Variants in TP63 observed in about 807,000 individuals in gnomAD.
The protein encoded by TP63 is tumor protein 63.
TP63 carries 17 observed loss-of-function variants against 82.8 expected under a neutral mutation model. The observed-to-expected ratio is 0.21, with a 90% confidence interval of 0.14 to 0.31. The LOEUF is 0.31. Ranked by LOEUF, TP63 falls within the 10% of genes least tolerant of loss-of-function variation. The probability of loss-of-function intolerance (pLI) is 1.00; values close to 1 mark genes in which losing one functional copy is unlikely to be tolerated. For synonymous variants in TP63, 330 were observed against 321.7 expected (o/e 1.03, Z -0.28); for missense variants, 648 against 895.3 (o/e 0.72, Z 3.52).
intron 1 of TP63, among the ~76,000 whole-genome samples, chr3:189,681,005 C>A (rs2108691578): frequency 6.6e-6 from 1 of 152,272 alleles, no homozygotes; most frequent in Admixed American, 6.5e-5. Context: ...GCTTCCTTCA[C>A]TTTTATCTCA....
chr3:189,767,998 A>G (rs189116981), intron 3 of TP63, among the ~76,000 whole-genome samples: 34 of 152,284 alleles, frequency 2.2e-4, no homozygotes, highest in Admixed American at 2.1e-3. Context: ...GAAATCACAT[A>G]CAATATGTCA....
chr3:189,888,581 A>G (rs1468458484), intron 11 of TP63, among the ~76,000 whole-genome samples: 3 of 152,250 alleles, frequency 2.0e-5, no homozygotes, highest in Admixed American at 2.0e-4. Flanking sequence ...TAAAGTAGAA[A>G]CAAATTACAT....
chr3:189,625,505 T>C, the TP63 span, among the ~76,000 whole-genome samples: 1 of 152,032 alleles, frequency 6.6e-6, no homozygotes, highest in African/African-American at 2.4e-5. Flanking sequence ...TTTTCCTTGG[T>C]GTAAAGGACA....
At chr3:189,878,528 A>G (rs1214892022) in intron 10 of TP63, among the ~76,000 whole-genome samples, 1 of 149,808 alleles carries the variant, frequency 6.7e-6, no homozygotes, top group Non-Finnish European at 1.5e-5. Context: ...AGCTGGGATT[A>G]CAGATGCCTG....
intron 1 of TP63, among the ~76,000 whole-genome samples, chr3:189,679,199 G>A (rs889409877): frequency 8.6e-5 from 13 of 151,974 alleles, no homozygotes; most frequent in African/African-American, 2.7e-4. Context: ...TTAATTTTCC[G>A]AGAAACTTTT....
intron 1 of TP63, among the ~76,000 whole-genome samples, chr3:189,703,163 G>T (rs989227120): frequency 7.9e-5 from 12 of 152,198 alleles, no homozygotes; most frequent in Non-Finnish European, 2.9e-5. Flanking sequence ...GCCGGGCACG[G>T]TGTCTCACGC....
intron 1 of TP63, among the ~76,000 whole-genome samples, chr3:189,719,358 A>T (rs989854280): frequency 2.0e-5 from 3 of 152,180 alleles, no homozygotes; most frequent in Non-Finnish European, 4.4e-5. Context: ...CATGATGCTC[A>T]GTTGGCTCTC....
chr3:189,731,760 C>T (rs11714257), intron 1 of TP63, among the ~76,000 whole-genome samples: 53,119 of 151,912 alleles, frequency 0.35, 9,484 homozygotes, highest in African/African-American at 0.42. Flanking sequence ...AAATTGACTT[C>T]GGGCTTTCTA....
At chr3:189,864,450 C>T in intron 5 of TP63, 32 bp downstream of exon 5, 1 of 1,599,426 alleles carries the variant, frequency 6.3e-7, no homozygotes, top group Non-Finnish European at 8.5e-7. Context: ...AACTGTTCAA[C>T]CTCCTTGAAG....
At chr3:189,701,071 G>A (rs1194654729) in intron 1 of TP63, among the ~76,000 whole-genome samples, 1 of 152,126 alleles carries the variant, frequency 6.6e-6, no homozygotes, top group African/African-American at 2.4e-5. Flanking sequence ...ATGAGAGATA[G>A]GCTTTGAAAC....
upstream of TP63, among the ~76,000 whole-genome samples, chr3:189,627,385 G>T (rs1344127224): frequency 6.6e-6 from 1 of 152,084 alleles, no homozygotes; most frequent in Non-Finnish European, 1.5e-5. Context: ...TTGACAACAT[G>T]AATATATCTC....
intron 4 of TP63, among the ~76,000 whole-genome samples, chr3:189,848,080 G>T (rs1175843565): frequency 6.6e-6 from 1 of 152,210 alleles, no homozygotes; most frequent in Admixed American, 6.5e-5. Context: ...GATGGTCCCA[G>T]TTACTGAGAA....
At chr3:189,739,222 T>C (rs1191959319) in intron 3 of TP63, among the ~76,000 whole-genome samples, 1 of 152,132 alleles carries the variant, frequency 6.6e-6, no homozygotes, top group Non-Finnish European at 1.5e-5. Flanking sequence ...TTCAAGTGAT[T>C]TTGCTGACTC....
At chr3:189,836,467 G>A (rs1713166998) in intron 4 of TP63, among the ~76,000 whole-genome samples, 1 of 152,096 alleles carries the variant, frequency 6.6e-6, no homozygotes, top group Admixed American at 6.6e-5. Flanking sequence ...AAGCGTTTTT[G>A]CTTTGTAACC....
At chr3:189,676,564 ATG>A (rs914618434) in intron 1 of TP63, among the ~76,000 whole-genome samples, 14 of 151,322 alleles carry the variant, frequency 9.3e-5, no homozygotes, top group Admixed American at 5.3e-4. Context: ...GCATGTGTGT[ATG>A]TGTGTGTGTG....
At chr3:189,779,274 A>G (rs1043200144) in intron 3 of TP63, among the ~76,000 whole-genome samples, 35 of 152,212 alleles carry the variant, frequency 2.3e-4, no homozygotes, top group African/African-American at 4.8e-5. Flanking sequence ...TTCATGATCA[A>G]TGCAGATAAT....
intron 10 of TP63, among the ~76,000 whole-genome samples, chr3:189,882,547 T>G (rs1402826084): frequency 2.6e-5 from 4 of 152,026 alleles, no homozygotes; most frequent in Admixed American, 2.6e-4. Context: ...CCCAAATTCT[T>G]TACTGCAGAA....
intron 3 of TP63, among the ~76,000 whole-genome samples, chr3:189,785,774 C>T (rs1724555570): frequency 6.6e-6 from 1 of 151,870 alleles, no homozygotes; most frequent in South Asian, 2.1e-4. Context: ...ACTGGGACAC[C>T]CTGAGGAGTG....
rs552769116 is a variant in TP63 at position 189,887,091 on chromosome 3, C to T, written c.1507+540C>T. ...GAGCCTGGTGGTGCATGCCTGTAAT[C>T]CCAGCTACTCAGGAGGCTGAGGCAT... On this transcript the variant is annotated intron_variant, in intron 11 of 13. Coordinates refer to ENST00000264731, the MANE Select transcript of TP63 (RefSeq NM_003722.5). Among the ~76,000 whole-genome samples the T allele has an allele frequency of 3.2e-4, 48 of 151,900 alleles. No homozygotes were observed. In the South Asian group the frequency reaches 9.6e-3, roughly 30 times the overall value.
Sources: allele counts gnomAD v4.1 joint callset (sites outside exome capture counted in the v4.1 genomes callset), GRCh38; gene constraint gnomAD v4.1.1; transcripts MANE v1.5; gene names NCBI Gene and HGNC (gene_info 2026-07-23, HGNC 2026-07-21).